The following TRPC4AP variants were observed in gnomAD, a reference collection of about 807,000 sequenced individuals.
The protein encoded by TRPC4AP is transient receptor potential cation channel subfamily C member 4 associated protein, also known as short transient receptor potential channel 4-associated protein.
A neutral mutation model predicts 99.0 loss-of-function variants in TRPC4AP; 45 were observed. That is an observed-to-expected ratio of 0.45 (90% CI 0.36 to 0.58). The LOEUF is 0.58. Among genes scored for constraint, TRPC4AP ranks in the 20% least tolerant of loss-of-function variants. The probability of loss-of-function intolerance (pLI) is 0.00; values close to 1 mark genes in which losing one functional copy is unlikely to be tolerated. For missense variants in TRPC4AP, 879 were observed against 985.3 expected (o/e 0.89, Z 1.44); for synonymous variants, 408 against 385.8 (o/e 1.06, Z -0.67).
At chr20:35,004,414 T>A in intron 17 of TRPC4AP, 44 bp downstream of exon 17, 2 of 1,550,234 alleles carry the variant, frequency 1.3e-6, no homozygotes, top group East Asian at 4.7e-5. Context: ...AGGAAGTGGT[T>A]TCCAATCGAC....
At chr20:35,008,999 G>A (rs1190347479) in intron 12 of TRPC4AP, among the ~76,000 whole-genome samples, 1 of 152,198 alleles carries the variant, frequency 6.6e-6, no homozygotes, top group Non-Finnish European at 1.5e-5. Flanking sequence ...AATCAGACAT[G>A]GCTTAGAACT....
intron 3 of TRPC4AP, among the ~76,000 whole-genome samples, chr20:35,058,229 A>C (rs1263085139): frequency 2.0e-5 from 3 of 152,250 alleles, no homozygotes; most frequent in Non-Finnish European, 4.4e-5. Flanking sequence ...GGACACGTTA[A>C]TAACTCTGCT....
intron 7 of TRPC4AP, among the ~76,000 whole-genome samples, chr20:35,043,590 C>T (rs571767101): frequency 3.3e-5 from 5 of 152,178 alleles, no homozygotes; most frequent in African/African-American, 9.6e-5. Flanking sequence ...TAGTCAAGAC[C>T]CTCACAGTGG....
chr20:35,049,817 T>C (rs755966604), intron 6 of TRPC4AP, 49 bp downstream of exon 6: 4 of 1,560,962 alleles, frequency 2.6e-6, no homozygotes, highest in South Asian at 1.2e-5. Context: ...GAGAATCCAA[T>C]GGTCTGAGAC....
chr20:35,057,662 T>C, intron 3 of TRPC4AP, 91 bp from the exon 4 acceptor site: 1 of 1,033,724 alleles, frequency 9.7e-7, no homozygotes, highest in Non-Finnish European at 1.5e-6. Flanking sequence ...CCCATGTATC[T>C]GTCACAGTAT....
intron 5 of TRPC4AP, among the ~76,000 whole-genome samples, chr20:35,053,816 C>T (rs376974308): frequency 2.0e-5 from 3 of 152,180 alleles, no homozygotes; most frequent in Non-Finnish European, 2.9e-5. Context: ...ATTAACTTCA[C>T]CACTTCTTCC....
chr20:35,042,639 G>A (rs927843929), intron 7 of TRPC4AP, among the ~76,000 whole-genome samples: 1 of 152,150 alleles, frequency 6.6e-6, no homozygotes, highest in Admixed American at 6.5e-5. Flanking sequence ...TTTCCAGCCT[G>A]TTAACATTGA....
chr20:35,021,302 G>A lies in TRPC4AP; in HGVS notation c.1106C>T (p.Thr369Met), dbSNP rs201037229. The change falls in exon 9 of 19, where the codon ACG becomes ATG. Residue 369 changes from threonine (T) to methionine (M), a missense_variant. Around this residue, in one of 3 missense-constraint regions of TRPC4AP, gnomAD observed 603 missense variants for 631.8 expected, o/e 0.95. Coordinates refer to ENST00000252015, the MANE Select transcript of TRPC4AP (RefSeq NM_015638.3). Reference sequence around the variant, plus strand: ...CTGGGGCAGCTGGGTTCTGGCTGACGTGTGAGGCAGGCCATTCTCCTCAGA... The same window carrying A: ...CTGGGGCAGCTGGGTTCTGGCTGACATGTGAGGCAGGCCATTCTCCTCAGA... ...GASEENGLPH[T>M]SARTQLPQSM... 55 of 1,614,192 alleles carry A rather than the reference G, an allele frequency of 3.4e-5. No individual in the cohort carries two copies. Among genetic ancestry groups the A allele is most frequent in the Non-Finnish European group, 4.2e-5 (49 of 1,180,032 alleles).
intron 6 of TRPC4AP, among the ~76,000 whole-genome samples, chr20:35,047,731 G>C (rs1211506705): frequency 1.3e-5 from 2 of 152,148 alleles, no homozygotes; most frequent in Non-Finnish European, 2.9e-5. Flanking sequence ...ACACAATACA[G>C]TTTGATCTTT....
chr20:35,085,682 C>T (rs1312982456), intron 1 of TRPC4AP, among the ~76,000 whole-genome samples: 2 of 151,724 alleles, frequency 1.3e-5, no homozygotes, highest in Non-Finnish European at 2.9e-5. Context: ...AAAGTGCCAC[C>T]ATTCAGTCAT....
chr20:35,032,600 G>A (rs564771329), intron 8 of TRPC4AP, among the ~76,000 whole-genome samples: 1 of 150,350 alleles, frequency 6.7e-6, no homozygotes, highest in East Asian at 2.0e-4. Context: ...GGCCTCCCCA[G>A]TAGCTGGGAC....
At chr20:35,008,579 G>T in intron 13 of TRPC4AP, 85 bp downstream of exon 13, 1 of 1,168,678 alleles carries the variant, frequency 8.6e-7, no homozygotes, top group Non-Finnish European at 1.2e-6. Context: ...GGACGCTGGT[G>T]ACTAAAGGAG....
At chr20:35,050,617 G>T (rs1174235916) in intron 5 of TRPC4AP, among the ~76,000 whole-genome samples, 11 of 151,664 alleles carry the variant, frequency 7.3e-5, no homozygotes, top group African/African-American at 2.7e-4. Flanking sequence ...GGAGGCTGAG[G>T]TAAAAGGATC....
intron 1 of TRPC4AP, among the ~76,000 whole-genome samples, chr20:35,088,945 T>G (rs576294825): frequency 1.3e-5 from 2 of 152,188 alleles, no homozygotes; most frequent in East Asian, 3.9e-4. Flanking sequence ...AAATGGGAAG[T>G]TGTTCAATGG....
chr20:35,003,535 G>A lies in TRPC4AP; in HGVS notation c.2131C>T (p.Leu711=), dbSNP rs780484855. The A allele has an allele frequency of 6.2e-7, 1 of 1,613,916 alleles. No homozygotes were observed. Among genetic ancestry groups the A allele is most frequent in the Non-Finnish European group, 8.5e-7 (1 of 1,180,000 alleles). ...TTGCTGTGCTCCATCCGCTGCAGCA[G>A]CCGCAGGTACAGGGGCAGCCGCTCT... ...RKERLPLYLR[L]LQRMEHSKKY... Residue 711 remains leucine, a synonymous_variant, in exon 18 of 19, where the codon CTG becomes TTG. Coordinates refer to ENST00000252015, the MANE Select transcript of TRPC4AP (RefSeq NM_015638.3).
In TRPC4AP at chr20:35,004,439, G is replaced by C. The variant is rs763867578; in HGVS notation, c.2049+19C>G. 1 of 1,602,832 alleles carries C rather than the reference G, an allele frequency of 6.2e-7. No homozygotes were observed. Among genetic ancestry groups the C allele is most frequent in the East Asian group, 2.2e-5 (1 of 44,516 alleles). The stretch of plus-strand genomic sequence containing the variant: ...TTCCAATCGACCTTCCCTGCTGTGT[G>C]TCTGCCGGGGCCTCTCACCTGGGTC... On this transcript the variant is annotated intron_variant, in intron 17 of 18. Coordinates refer to ENST00000252015, the MANE Select transcript of TRPC4AP (RefSeq NM_015638.3).
At chr20:35,075,679 C>T (rs529687101) in intron 2 of TRPC4AP, among the ~76,000 whole-genome samples, 1 of 152,200 alleles carries the variant, frequency 6.6e-6, no homozygotes, top group African/African-American at 2.4e-5. Context: ...TTCTCTCTGG[C>T]TGCCCTTAAT....
At chr20:35,005,919 G>T in intron 15 of TRPC4AP, 116 bp from the exon 16 acceptor site, 1 of 840,428 alleles carries the variant, frequency 1.2e-6, no homozygotes, top group Non-Finnish European at 1.9e-6. Context: ...CACTGCTTCA[G>T]ATAGGAAGAC....
rs71196792 is a variant in TRPC4AP at position 35,090,377 on chromosome 20, C to CT, written c.168+2236dup. Among the ~76,000 whole-genome samples the CT allele has an allele frequency of 1.4e-3, 122 of 88,972 alleles. 4 individuals are homozygous for CT. In the South Asian group the frequency reaches 0.016, roughly 11 times the overall value. The allele number at this position is 88,972 out of a possible 152,430, so 58.4% of individuals were successfully genotyped here. On this transcript the variant is annotated intron_variant, in intron 1 of 18. Transcript: ENST00000252015. ...TTCCAGCAGCCTTGTATCTGGTGAGCTTTTTTTTTTTTTTTTTGAGATGAA... is the reference window on the plus strand; with the variant it reads ...TTCCAGCAGCCTTGTATCTGGTGAGCTTTTTTTTTTTTTTTTTTGAGATGAA...
Sources: gnomAD v4.1 joint callset for allele counts (sites outside exome capture counted in the v4.1 genomes callset) on GRCh38, gnomAD v4.1.1 for gene constraint, gnomAD v4.1.1 regional missense constraint, MANE v1.5 for transcripts, NCBI Gene and HGNC (gene_info 2026-07-23, HGNC 2026-07-21) for gene names.